ZNF821: variants seen among roughly 807,000 people sequenced by gnomAD.
The protein encoded by ZNF821 is zinc finger protein 821.
ZNF821 carries 16 observed loss-of-function variants against 44.3 expected under a neutral mutation model. The observed-to-expected ratio is 0.36, with a 90% CI of 0.24 to 0.55. The LOEUF (loss-of-function observed/expected upper bound fraction) is 0.55. ZNF821 is among the 20% of genes least tolerant of loss of function. The probability of loss-of-function intolerance (pLI) is 0.86; values close to 1 mark genes in which losing one functional copy is unlikely to be tolerated. For synonymous variants in ZNF821, 204 were observed against 197.6 expected (o/e 1.03, Z -0.27); for missense variants, 436 against 547.6 (o/e 0.80, Z 2.03).
chr16:71,868,557 C>A (rs964069294), intron 3 of ZNF821, among the ~76,000 whole-genome samples: 1 of 152,178 alleles, frequency 6.6e-6, no homozygotes. Context: ...TCTTCCAAAA[C>A]GTACCCTGGA....
chr16:71,877,520 A>G lies in ZNF821; in HGVS notation c.40+2387T>C, dbSNP rs892597631. ...TGCAATCCTCCTGCCTTGGCCTCCC[A>G]AAGTGTTGGGATTACAGTGGTGAGC... On this transcript the variant is annotated intron_variant, in intron 3 of 7. Transcript: ENST00000425432. 9.2e-5 allele frequency among the ~76,000 whole-genome samples: 14 copies of G among 152,220 alleles called. No homozygotes were observed. The East Asian group carries it at 1.2e-3, about 13-fold the overall frequency.
Position 71,879,110 on chromosome 16 carries a change from A to G in ZNF821, c.40+797T>C, listed in dbSNP as rs191816146. Among the ~76,000 whole-genome samples the G allele has an allele frequency of 1.7e-3, 260 of 152,280 alleles. 1 individual carries two copies. The highest frequency in any genetic ancestry group is 3.1e-3 in the Non-Finnish European group (213 of 68,022). On this transcript the variant is annotated intron_variant, in intron 3 of 7. Coordinates refer to ENST00000425432, the MANE Select transcript of ZNF821 (RefSeq NM_001201552.2). ...CCCCTCTCCCTGCTTAAAAACCTTC[A>G]GTAGTTCCCTACGGACTATAGAATG...
intron 2 of ZNF821, chr16:71,882,392 A>C (rs1190777263): frequency 3.3e-5 from 5 of 152,110 alleles, no homozygotes; most frequent in Non-Finnish European, 7.3e-5. Context: ...ATCTTGACTA[A>C]TTTTTATATT....
chr16:71,868,073 C>T (rs2034750928), intron 3 of ZNF821, 36 bp from the exon 4 acceptor site: 1 of 1,525,176 alleles, frequency 6.6e-7, no homozygotes, highest in East Asian at 2.5e-5. Context: ...AGGCCACCAG[C>T]TGGGCAGCAT....
chr16:71,885,878 G>T (rs542846757), upstream of ZNF821, among the ~76,000 whole-genome samples: 6 of 152,254 alleles, frequency 3.9e-5, no homozygotes, highest in Admixed American at 6.5e-5. Context: ...CATCCAACCC[G>T]CAAGTGTTTG....
intron 3 of ZNF821, among the ~76,000 whole-genome samples, chr16:71,875,371 T>C (rs1005665796): frequency 1.3e-5 from 2 of 152,112 alleles, no homozygotes; most frequent in African/African-American, 4.8e-5. Context: ...AACCTCTGCT[T>C]CCCAGGCTCA....
chr16:71,864,660 G>A (rs969383777), intron 5 of ZNF821: 6 of 496,698 alleles, frequency 1.2e-5, no homozygotes, highest in Non-Finnish European at 2.1e-5. Flanking sequence ...CTGGAAAGAC[G>A]TGGGGAGCTG....
chr16:71,870,029 C>T (rs868277397), intron 3 of ZNF821, among the ~76,000 whole-genome samples: 11 of 152,312 alleles, frequency 7.2e-5, no homozygotes, highest in Middle Eastern at 6.8e-3. Context: ...AAACTCTTAT[C>T]TCTGTGTGAG....
upstream of ZNF821, among the ~76,000 whole-genome samples, chr16:71,885,589 G>C (rs567652432): frequency 2.6e-5 from 4 of 152,266 alleles, no homozygotes; most frequent in Non-Finnish European, 2.9e-5. Context: ...GACAAGTCCT[G>C]GTATTTGCAT....
At position 71,860,490 on chromosome 16, in the gene ZNF821, C is replaced by G. The variant is rs1026618798; in HGVS notation, c.767G>C (p.Arg256Pro). The change falls in exon 8 of 8, where the codon CGC (arginine) becomes CCC (proline). Residue 256 changes from arginine (R) to proline (P), a missense_variant. By Grantham distance (103) the Arg-to-Pro change is moderately radical. Transcript: ENST00000425432. This position sits in a 1 kb window ranked among gnomAD's most constrained non-coding sequence, Gnocchi z 7.3. ...KLLEAQTPSV[R>P]KWALRRQNEP... ...ATTCTGTCGACGTAGAGCCCACTTG[C>G]GTACACTGGGAGTCTGGGCTTCCAG... The G allele has an allele frequency of 1.2e-6, 2 of 1,614,146 alleles. No homozygotes were observed. Among genetic ancestry groups the G allele is most frequent in the Admixed American group, 1.7e-5 (1 of 60,012 alleles).
intron 6 of ZNF821, among the ~76,000 whole-genome samples, chr16:71,863,401 C>CTTTTT (rs372197045): frequency 9.2e-6 from 1 of 108,596 alleles, no homozygotes; most frequent in Admixed American, 1.0e-4. Flanking sequence ...AGCAGAATCT[C>CTTTTT]TTTTTTTTTT....
upstream of ZNF821, chr16:71,885,432 A>G (rs1469781559): frequency 6.6e-6 from 1 of 152,258 alleles, no homozygotes; most frequent in Non-Finnish European, 1.5e-5. Flanking sequence ...ATGGATAATG[A>G]TGCAATAATT....
upstream of ZNF821, among the ~76,000 whole-genome samples, chr16:71,887,515 C>T (rs1038728259): frequency 8.5e-5 from 13 of 152,190 alleles, no homozygotes; most frequent in Non-Finnish European, 1.5e-4. Flanking sequence ...CCCGCCTCGG[C>T]CTCCCAAAGT....
rs572269895 is a variant in ZNF821, at chr16:71,869,292, T to A, written c.41-1255A>T. Among the ~76,000 whole-genome samples, 140 of 152,284 alleles carry A rather than the reference T, an allele frequency of 9.2e-4. 1 individual carries two copies. In the Middle Eastern group the frequency reaches 0.01, roughly 11 times the overall value. ...AGTACGCAGGCATACAGGCTCAGGT[T>A]CTGAGATAGGATACAGTGATGTGGG... On this transcript the variant is annotated intron_variant, in intron 3 of 7. Transcript: ENST00000425432.
chr16:71,889,597 C>G (rs2142500937), upstream of ZNF821, among the ~76,000 whole-genome samples: 1 of 152,210 alleles, frequency 6.6e-6, no homozygotes, highest in Admixed American at 6.6e-5. Context: ...TCACTTGAAC[C>G]TGGGAGGTGG....
intron 1 of ZNF821, chr16:71,894,716 T>TTTTTTTTGG: frequency 1.8e-6 from 1 of 557,206 alleles, no homozygotes; most frequent in South Asian, 2.5e-5. Flanking sequence ...TTTTTTTTTT[T>TTTTTTTTGG]GTAGCGATGC....
At chr16:71,883,087 C>A in intron 2 of ZNF821, 124 bp downstream of exon 2, 2 of 456,344 alleles carry the variant, frequency 4.4e-6, no homozygotes, top group Non-Finnish European at 8.8e-6. Context: ...TGCAACGTCT[C>A]CCCTGAACAC....
chr16:71,879,979 A>G lies in ZNF821; in HGVS notation c.-33T>C. ...TGATGCAAGAGCTCTGGTCTTTCCC[A>G]GTTTCACGACTGGATATGTTACTAC... On this transcript the variant is annotated 5_prime_UTR_variant, in exon 3 of 8. Coordinates refer to ENST00000425432, the MANE Select transcript of ZNF821 (RefSeq NM_001201552.2). The G allele has an allele frequency of 6.2e-7, 1 of 1,609,824 alleles. No individual in the cohort carries two copies. The highest frequency in any genetic ancestry group is 8.5e-7 in the Non-Finnish European group (1 of 1,177,752).
At position 71,860,894 on chromosome 16, in the gene ZNF821, C is replaced by T. The variant is rs1019340556; in HGVS notation, c.585-222G>A. Among the ~76,000 whole-genome samples, 5 of 143,926 alleles carry T rather than the reference C, an allele frequency of 3.5e-5. No homozygotes were observed. The highest frequency in any genetic ancestry group is 4.1e-4 in the East Asian group (2 of 4,838). The allele number at this position is 143,926 out of a possible 152,430, so 94.4% of individuals were successfully genotyped here. A position where few individuals can be genotyped will look rare whatever the true frequency, so the allele number is the denominator to read the frequency against. On this transcript the variant is annotated intron_variant, in intron 7 of 7. Transcript: ENST00000425432. This position sits in a 1 kb window ranked among gnomAD's most constrained non-coding sequence, Gnocchi z 7.3. Reference sequence around the variant, plus strand: ...TTTTTGAGACAGAGTCTTGCTCTGTCGCCCAGGCTGGAGTACAATGGTGCA... The same window carrying T: ...TTTTTGAGACAGAGTCTTGCTCTGTTGCCCAGGCTGGAGTACAATGGTGCA...
Sources: gnomAD v4.1 joint callset for allele counts (sites outside exome capture counted in the v4.1 genomes callset) on GRCh38, gnomAD v4.1.1 for gene constraint, Gnocchi (gnomAD v3.1) non-coding constraint, MANE v1.5 for transcripts, NCBI Gene and HGNC (gene_info 2026-07-23, HGNC 2026-07-21) for gene names.